The following ROBO2 variants were observed in gnomAD, a reference collection of about 807,000 sequenced individuals.
ROBO2 encodes the protein roundabout guidance receptor 2, also known as roundabout homolog 2.
Under a neutral mutation model 160.8 loss-of-function variants are expected in ROBO2, and 53 were observed. That is an observed-to-expected ratio of 0.33 (90% CI 0.26 to 0.41). The LOEUF (loss-of-function observed/expected upper bound fraction) is 0.41. Among genes scored for constraint, ROBO2 ranks in the 10% least tolerant of loss-of-function variants. The pLI, the probability that ROBO2 is intolerant of heterozygous loss-of-function variation, is 1.00. For synonymous variants in ROBO2, 664 were observed against 611.7 expected (o/e 1.09, Z -1.26); for missense variants, 1,577 against 1,722.4 (o/e 0.92, Z 1.49).
intron 2 of ROBO2, among the ~76,000 whole-genome samples, chr3:76,319,936 C>T (rs1268198472): frequency 6.6e-6 from 1 of 151,762 alleles, no homozygotes; most frequent in Non-Finnish European, 1.5e-5. Flanking sequence ...TACTCTGTAT[C>T]CCAGGATTAG....
chr3:77,123,890 T>C (rs372247403), intron 2 of ROBO2, among the ~76,000 whole-genome samples: 33 of 138,982 alleles, frequency 2.4e-4, no homozygotes, highest in South Asian at 2.0e-3. Context: ...CATATATAGA[T>C]ACACATATCT....
Position 75,968,223 on chromosome 3 carries a change from G to A in ROBO2, c.109+30621G>A, listed in dbSNP as rs1466756099. Among the ~76,000 whole-genome samples, 6 of 151,404 alleles carry A rather than the reference G, an allele frequency of 4.0e-5. No individual in the cohort carries two copies. The East Asian group carries it at 1.2e-3, about 30-fold the overall frequency. On this transcript the variant is annotated intron_variant, in intron 2 of 26. Transcript: ENST00000487694. ...TTTACACCAAAGTTTTTGATGGTTTGGCTGTCAACACTATGGATATTATGA... is the reference window on the plus strand; with the variant it reads ...TTTACACCAAAGTTTTTGATGGTTTAGCTGTCAACACTATGGATATTATGA...
intron 2 of ROBO2, among the ~76,000 whole-genome samples, chr3:76,178,622 T>C (rs568504886): frequency 1.8e-4 from 28 of 152,150 alleles, no homozygotes; most frequent in Non-Finnish European, 4.0e-4. Context: ...GCCTTCTAAG[T>C]AGTTTGAGTC....
At chr3:76,654,879 G>A (rs544097298) in intron 2 of ROBO2, among the ~76,000 whole-genome samples, 16 of 143,936 alleles carry the variant, frequency 1.1e-4, no homozygotes, top group African/African-American at 2.0e-4. Context: ...ATATGTGTGC[G>A]TATATACATA....
Position 77,295,187 on chromosome 3 carries a change from G to C in ROBO2, c.389-182227G>C, listed in dbSNP as rs537768084. ...GGTAAGCTGAGGCTAGATCACTAAA[G>C]ACATAAAGTAAAATTGACGATTAAA... is the stretch of plus-strand genomic sequence containing the variant. On this transcript the variant is annotated intron_variant, in intron 2 of 25. Transcript: ENST00000461745. 1.8e-4 allele frequency among the ~76,000 whole-genome samples: 26 copies of C among 146,784 alleles called. 1 individual carries two copies. Among genetic ancestry groups the C allele is most frequent in the African/African-American group, 6.7e-4 (26 of 38,678 alleles).
chr3:76,635,786 G>A (rs2090298782), intron 2 of ROBO2, among the ~76,000 whole-genome samples: 1 of 152,222 alleles, frequency 6.6e-6, no homozygotes, highest in Non-Finnish European at 1.5e-5. Context: ...AAATGTTCAA[G>A]TTTTAGAATT....
chr3:76,398,749 A>T (rs1201937772), intron 2 of ROBO2, among the ~76,000 whole-genome samples: 2 of 151,810 alleles, frequency 1.3e-5, no homozygotes, highest in South Asian at 4.1e-4. Flanking sequence ...AGTATATTCT[A>T]TTGGTTTAGT....
At chr3:77,305,477 T>C (rs2063023016) in intron 2 of ROBO2, among the ~76,000 whole-genome samples, 1 of 152,206 alleles carries the variant, frequency 6.6e-6, no homozygotes, top group African/African-American at 2.4e-5. Flanking sequence ...GATGGTGTTC[T>C]CAGGTGGGAT....
intron 2 of ROBO2, among the ~76,000 whole-genome samples, chr3:77,235,842 C>G (rs1166186126): frequency 6.6e-6 from 1 of 152,098 alleles, no homozygotes. Flanking sequence ...TCCTCTTCCC[C>G]CTAGACATAC....
At chr3:76,019,038 T>C (rs892295506) in intron 2 of ROBO2, among the ~76,000 whole-genome samples, 6 of 151,924 alleles carry the variant, frequency 3.9e-5, no homozygotes, top group Admixed American at 2.6e-4. Flanking sequence ...TACTGTGTAT[T>C]CCTTGGAACT....
At chr3:76,000,503 T>G (rs911794819) in intron 2 of ROBO2, among the ~76,000 whole-genome samples, 1 of 150,972 alleles carries the variant, frequency 6.6e-6, no homozygotes, top group Admixed American at 6.6e-5. Context: ...TTTTTTTTTT[T>G]TTTTTGACGG....
chr3:77,458,523 CAGA>C (rs927027960), intron 2 of ROBO2, among the ~76,000 whole-genome samples: 2 of 151,768 alleles, frequency 1.3e-5, no homozygotes, highest in Non-Finnish European at 2.9e-5. Flanking sequence ...GTTGGTTATA[CAGA>C]AGAAGAATGT....
chr3:75,961,802 G>A (rs1020349533), intron 2 of ROBO2, among the ~76,000 whole-genome samples: 7 of 151,438 alleles, frequency 4.6e-5, no homozygotes, highest in Non-Finnish European at 7.4e-5. Context: ...TTTTTCAAGA[G>A]AATCAAACTA....
At chr3:76,824,748 T>A (rs1205610005) in intron 2 of ROBO2, among the ~76,000 whole-genome samples, 1 of 152,150 alleles carries the variant, frequency 6.6e-6, no homozygotes, top group African/African-American at 2.4e-5. Context: ...AGAGAGCAGT[T>A]ACTGCTTCCG....
chr3:76,615,388 G>C (rs891326973), intron 2 of ROBO2, among the ~76,000 whole-genome samples: 2 of 152,068 alleles, frequency 1.3e-5, no homozygotes, highest in Non-Finnish European at 2.9e-5. Context: ...GGGTAACTGA[G>C]ATCAAATTGT....
At chr3:76,032,912 A>T (rs1232643023) in intron 2 of ROBO2, among the ~76,000 whole-genome samples, 3 of 152,208 alleles carry the variant, frequency 2.0e-5, no homozygotes, top group Admixed American at 1.3e-4. Context: ...TTTCAATTGG[A>T]TATTATATGA....
intron 7 of ROBO2, among the ~76,000 whole-genome samples, chr3:77,547,758 G>A (rs1392200564): frequency 6.6e-6 from 1 of 152,054 alleles, no homozygotes; most frequent in African/African-American, 2.4e-5. Context: ...GTAAGGAAAG[G>A]TGATGGCCAC....
chr3:76,589,373 C>A (rs112454870), intron 2 of ROBO2, among the ~76,000 whole-genome samples: 451 of 152,240 alleles, frequency 3.0e-3, no homozygotes, highest in African/African-American at 0.01. Flanking sequence ...CATCTCGGCT[C>A]ACTGCAAGCT....
At chr3:77,534,231 C>G (rs2091944391) in intron 6 of ROBO2, among the ~76,000 whole-genome samples, 1 of 151,862 alleles carries the variant, frequency 6.6e-6, no homozygotes, top group Non-Finnish European at 1.5e-5. Context: ...GAAAGTGAAG[C>G]CTTTACTCAA....
Sources: allele counts gnomAD v4.1 joint callset (sites outside exome capture counted in the v4.1 genomes callset), GRCh38; gene constraint gnomAD v4.1.1; transcripts MANE v1.5; gene names NCBI Gene and HGNC (gene_info 2026-07-23, HGNC 2026-07-21).